HERC3: variants seen among roughly 807,000 people sequenced by gnomAD.
HERC3 encodes the protein HECT and RLD domain containing E3 ubiquitin protein ligase 3, also known as probable E3 ubiquitin-protein ligase HERC3.
HERC3 carries 58 observed loss-of-function variants against 129.9 expected under a neutral mutation model. The observed-to-expected ratio is 0.45, with a 90% CI of 0.36 to 0.56. The LOEUF (loss-of-function observed/expected upper bound fraction) is 0.56, where lower values mean the gene tolerates loss of function less well. HERC3 is among the 20% of genes least tolerant of loss of function. HERC3 has a pLI of 0.00. For missense variants in HERC3, 835 were observed against 1,244.2 expected (o/e 0.67, Z 4.95); for synonymous variants, 430 against 451.0 (o/e 0.95, Z 0.59).
At chr4:88,668,848 T>C (rs1731315973) in intron 14 of HERC3, among the ~76,000 whole-genome samples, 1 of 152,306 alleles carries the variant, frequency 6.6e-6, no homozygotes, top group East Asian at 1.9e-4. Flanking sequence ...TGCCTCCACC[T>C]TTGTAGAAGA....
At chr4:88,678,926 GTTTTCAATA>G (rs1578300268) in intron 19 of HERC3, among the ~76,000 whole-genome samples, 2 of 152,142 alleles carry the variant, frequency 1.3e-5, no homozygotes, top group East Asian at 3.8e-4. Flanking sequence ...TTTTTGCCCT[GTTTTCAATA>G]GGTAATTCAG....
At chr4:88,581,348 T>A in the HERC3 span, among the ~76,000 whole-genome samples, 8 of 151,958 alleles carry the variant, frequency 5.3e-5, no homozygotes, top group African/African-American at 1.9e-4. Flanking sequence ...TTGCCCAGGC[T>A]GGAGTGCAAT....
At chr4:88,638,763 A>G (rs1727729682) in intron 3 of HERC3, among the ~76,000 whole-genome samples, 1 of 152,210 alleles carries the variant, frequency 6.6e-6, no homozygotes, top group African/African-American at 2.4e-5. Context: ...AGAGAAAGAA[A>G]TAAAGGGTAC....
chr4:88,580,943 A>G, the HERC3 span, among the ~76,000 whole-genome samples: 1 of 152,194 alleles, frequency 6.6e-6, no homozygotes, highest in Non-Finnish European at 1.5e-5. Context: ...TCATAATTGT[A>G]TGAGTATATG....
chr4:88,675,630 T>C (rs886591013), intron 16 of HERC3, among the ~76,000 whole-genome samples: 7 of 151,912 alleles, frequency 4.6e-5, no homozygotes, highest in Admixed American at 1.3e-4. Flanking sequence ...TTACCATTAC[T>C]CCCCTCCAAA....
chr4:88,681,472 G>C, intron 21 of HERC3, 147 bp downstream of exon 21: 1 of 669,416 alleles, frequency 1.5e-6, no homozygotes, highest in East Asian at 2.7e-5. Context: ...CTAAGATGTA[G>C]CTGTGCAGCT....
chr4:88,563,813 C>A, the HERC3 span, among the ~76,000 whole-genome samples: 37 of 152,144 alleles, frequency 2.4e-4, no homozygotes, highest in African/African-American at 8.4e-4. Flanking sequence ...CATGCACCAC[C>A]ACGCCCGGCT....
chr4:88,640,956 T>C (rs1728028659), intron 3 of HERC3, among the ~76,000 whole-genome samples: 1 of 152,188 alleles, frequency 6.6e-6, no homozygotes, highest in Non-Finnish European at 1.5e-5. Flanking sequence ...TCAAACGGAC[T>C]AGATATGATT....
At position 88,655,856 on chromosome 4, in the gene HERC3, T is replaced by C. The variant is rs1729840203; in HGVS notation, c.909-19T>C. ...CATTAGTAGAAACTATGCTGATGAG[T>C]TAAATTATTTTTTCACAGACAACAT... On this transcript the variant is annotated intron_variant, in intron 8 of 25. Transcript: ENST00000402738. The C allele has an allele frequency of 3.1e-6, 5 of 1,600,204 alleles. No individual in the cohort carries two copies. The highest frequency in any genetic ancestry group is 2.7e-5 in the African/African-American group (2 of 74,660).
chr4:88,582,311 A>G, the HERC3 span, among the ~76,000 whole-genome samples: 1 of 152,186 alleles, frequency 6.6e-6, no homozygotes, highest in African/African-American at 2.4e-5. Flanking sequence ...TCCTATGGGT[A>G]TGATTAATTT....
At chr4:88,669,760 GT>G in intron 14 of HERC3, 99 bp from the exon 15 acceptor site, 2 of 1,001,704 alleles carry the variant, frequency 2.0e-6, no homozygotes, top group South Asian at 3.4e-5. Context: ...TTAGACTAAT[GT>G]TTATCTTCTA....
At chr4:88,524,266 G>T in the HERC3 span, among the ~76,000 whole-genome samples, 5 of 152,176 alleles carry the variant, frequency 3.3e-5, no homozygotes, top group Non-Finnish European at 7.3e-5. Flanking sequence ...CTAGGCCTCT[G>T]ACCCTCCAAA....
At chr4:88,579,787 T>C in the HERC3 span, among the ~76,000 whole-genome samples, 1 of 152,212 alleles carries the variant, frequency 6.6e-6, no homozygotes, top group Admixed American at 6.5e-5. Context: ...GGAGACTATC[T>C]TGGATGAACA....
At chr4:88,575,461 T>C in the HERC3 span, among the ~76,000 whole-genome samples, 1 of 152,230 alleles carries the variant, frequency 6.6e-6, no homozygotes, top group Non-Finnish European at 1.5e-5. Flanking sequence ...CTCCCCCATC[T>C]AAAATAGAAG....
chr4:88,624,218 T>C (rs1272207268), intron 3 of HERC3, among the ~76,000 whole-genome samples: 4 of 152,248 alleles, frequency 2.6e-5, no homozygotes, highest in Non-Finnish European at 5.9e-5. Context: ...CGAATAAAAC[T>C]GTTATGAACA....
chr4:88,662,611 G>T (rs1414434458), intron 11 of HERC3, 56 bp downstream of exon 11: 35 of 1,555,028 alleles, frequency 2.3e-5, no homozygotes, highest in Non-Finnish European at 2.8e-5. Flanking sequence ...CAACTTTTTA[G>T]CTTAGTGTGA....
chr4:88,608,651 A>G (rs1469826582), intron 3 of HERC3, among the ~76,000 whole-genome samples: 2 of 152,234 alleles, frequency 1.3e-5, no homozygotes, highest in Non-Finnish European at 1.5e-5. Context: ...TGGTCTTCAT[A>G]CTGGAACAGA....
At chr4:88,597,343 T>C (rs1393495141) in intron 2 of HERC3, among the ~76,000 whole-genome samples, 3 of 152,264 alleles carry the variant, frequency 2.0e-5, no homozygotes, top group African/African-American at 4.8e-5. Context: ...ATTTCCATTA[T>C]CACAGAAAGT....
At chr4:88,676,156 G>T in intron 16 of HERC3, 62 bp from the exon 17 acceptor site, 1 of 1,212,210 alleles carries the variant, frequency 8.2e-7, no homozygotes, top group Non-Finnish European at 1.2e-6. Context: ...TTTTACTTTT[G>T]GAGGGATTAA....
Sources: gnomAD v4.1 joint callset for allele counts (sites outside exome capture counted in the v4.1 genomes callset) on GRCh38, gnomAD v4.1.1 for gene constraint, MANE v1.5 for transcripts, NCBI Gene and HGNC (gene_info 2026-07-23, HGNC 2026-07-21) for gene names.